Variants in RSRC1 observed in about 807,000 individuals in gnomAD.
RSRC1 encodes the protein arginine and serine rich coiled-coil 1, also known as serine/Arginine-related protein 53.
RSRC1 carries 39 observed loss-of-function variants against 49.1 expected under a neutral mutation model. That is an observed-to-expected ratio of 0.79 (90% CI 0.61 to 1.04). The LOEUF (loss-of-function observed/expected upper bound fraction) is 1.04. Ranked by LOEUF, RSRC1 falls within the 50% of genes least tolerant of loss-of-function variation. RSRC1 has a pLI of 0.00. For missense variants in RSRC1, 388 were observed against 402.4 expected (o/e 0.96, Z 0.31); for synonymous variants, 143 against 130.8 (o/e 1.09, Z -0.63).
At chr3:158,463,767 C>G (rs1737739164) in intron 7 of RSRC1, among the ~76,000 whole-genome samples, 2 of 152,222 alleles carry the variant, frequency 1.3e-5, no homozygotes, top group South Asian at 4.1e-4. Context: ...AAATAAAAGT[C>G]AGGCTGCACA....
At chr3:158,436,745 T>A (rs1339525789) in intron 6 of RSRC1, among the ~76,000 whole-genome samples, 1 of 151,906 alleles carries the variant, frequency 6.6e-6, no homozygotes, top group Non-Finnish European at 1.5e-5. Flanking sequence ...ATATAGATAA[T>A]ATTGTATATT....
chr3:158,299,219 A>G (rs942851971), intron 5 of RSRC1, among the ~76,000 whole-genome samples: 6 of 152,188 alleles, frequency 3.9e-5, no homozygotes, highest in African/African-American at 1.4e-4. Flanking sequence ...ATCAGAATAA[A>G]CATGTTAGTT....
chr3:158,423,018 C>T (rs1057136529), intron 6 of RSRC1, among the ~76,000 whole-genome samples: 9 of 152,230 alleles, frequency 5.9e-5, no homozygotes, highest in East Asian at 1.9e-4. Context: ...TTCTCCCATT[C>T]TGTAAGTTGC....
intron 4 of RSRC1, among the ~76,000 whole-genome samples, chr3:158,208,684 A>G (rs574578481): frequency 9.3e-4 from 142 of 152,256 alleles, no homozygotes; most frequent in Middle Eastern, 3.4e-3. Context: ...GATCATTACA[A>G]TTTTTATAAG....
At chr3:158,444,823 C>T (rs74620012) in intron 6 of RSRC1, among the ~76,000 whole-genome samples, 32,706 of 151,856 alleles carry the variant, frequency 0.22, 4,107 homozygotes, top group Non-Finnish European at 0.28. Flanking sequence ...AAAAAACAAC[C>T]CCATCAACAA....
chr3:158,406,302 A>G (rs539778720), intron 6 of RSRC1, among the ~76,000 whole-genome samples: 1 of 152,270 alleles, frequency 6.6e-6, no homozygotes, highest in East Asian at 1.9e-4. Flanking sequence ...GTATTTAAAT[A>G]AACTATCAAT....
intron 6 of RSRC1, among the ~76,000 whole-genome samples, chr3:158,405,874 G>T (rs1734138807): frequency 6.6e-6 from 1 of 151,920 alleles, no homozygotes; most frequent in South Asian, 2.1e-4. Flanking sequence ...GTTTCCCCTT[G>T]TACACTCTTA....
intron 2 of RSRC1, among the ~76,000 whole-genome samples, chr3:158,123,623 TCTG>T (rs1295004759): frequency 6.6e-6 from 1 of 152,176 alleles, no homozygotes; most frequent in Non-Finnish European, 1.5e-5. Flanking sequence ...TACCATATAA[TCTG>T]ATGATATTTG....
At chr3:158,439,088 G>A (rs564110203) in intron 6 of RSRC1, among the ~76,000 whole-genome samples, 195 of 152,212 alleles carry the variant, frequency 1.3e-3, no homozygotes, top group African/African-American at 4.3e-3. Context: ...GGCCATCAGA[G>A]AAATGCAAAT....
intron 3 of RSRC1, among the ~76,000 whole-genome samples, chr3:158,196,638 TG>T (rs1720638058): frequency 6.6e-6 from 1 of 152,206 alleles, no homozygotes; most frequent in Non-Finnish European, 1.5e-5. Context: ...GCTGTGGGTT[TG>T]TGATAGATAG....
intron 7 of RSRC1, among the ~76,000 whole-genome samples, chr3:158,508,524 T>G (rs1373475331): frequency 6.6e-6 from 1 of 152,034 alleles, no homozygotes; most frequent in Admixed American, 6.6e-5. Context: ...TAAATGCATA[T>G]GTAGTCGCCC....
chr3:158,318,984 C>T (rs146952515), intron 5 of RSRC1, among the ~76,000 whole-genome samples: 1 of 152,266 alleles, frequency 6.6e-6, no homozygotes, highest in Non-Finnish European at 1.5e-5. Context: ...GATATGTAGT[C>T]TAACCTTGGA....
chr3:158,244,726 T>C (rs1246560441), intron 4 of RSRC1, among the ~76,000 whole-genome samples: 6 of 152,160 alleles, frequency 3.9e-5, no homozygotes, highest in Non-Finnish European at 8.8e-5. Context: ...CTACCTGTGG[T>C]AGAATTCAGC....
In RSRC1 at chr3:158,460,992, G is replaced by T; in HGVS notation, c.641G>T (p.Arg214Ile). 2 of 1,600,536 alleles carry T rather than the reference G, an allele frequency of 1.2e-6. No individual in the cohort carries two copies. Among genetic ancestry groups the T allele is most frequent in the Non-Finnish European group, 8.5e-7 (1 of 1,171,520 alleles). ...KERNEEEAKRRKEEDQATLVE... is the reference protein window; with the variant it reads ...KERNEEEAKRIKEEDQATLVE... ...AGAAATGAGGAAGAAGCAAAGAGAA[G>T]AAAGGAGGAAGGTAAAGGCATGTGT... The change falls in exon 7 of 10, where the codon AGA becomes ATA. Residue 214 changes from arginine (R) to isoleucine (I), a missense_variant. Physicochemically the swap from Arg to Ile is moderately conservative, Grantham distance 97. Transcript: ENST00000611884.
chr3:158,462,555 T>A (rs1389586775), intron 7 of RSRC1, among the ~76,000 whole-genome samples: 1 of 151,870 alleles, frequency 6.6e-6, no homozygotes, highest in African/African-American at 2.4e-5. Flanking sequence ...GTGAGAGTAA[T>A]CACAGATATT....
At chr3:158,538,675 C>T (rs1207036157) in intron 8 of RSRC1, among the ~76,000 whole-genome samples, 1 of 151,886 alleles carries the variant, frequency 6.6e-6, no homozygotes, top group East Asian at 1.9e-4. Flanking sequence ...TCCCTTTAAA[C>T]TTATTTTCAA....
intron 5 of RSRC1, among the ~76,000 whole-genome samples, chr3:158,304,810 G>A (rs1727749909): frequency 6.6e-6 from 1 of 152,136 alleles, no homozygotes; most frequent in Non-Finnish European, 1.5e-5. Context: ...AGATGAAACA[G>A]CATGAAGTTT....
chr3:158,128,374 G>GT (rs1161827331), intron 3 of RSRC1, among the ~76,000 whole-genome samples: 1 of 152,044 alleles, frequency 6.6e-6, no homozygotes, highest in Non-Finnish European at 1.5e-5. Flanking sequence ...CTTCTTAACT[G>GT]TTTTTTGAAG....
intron 4 of RSRC1, among the ~76,000 whole-genome samples, chr3:158,260,426 T>C (rs1405388638): frequency 2.0e-5 from 3 of 152,100 alleles, no homozygotes; most frequent in Non-Finnish European, 2.9e-5. Context: ...GCCGAGTTGG[T>C]ATCCCAGTTG....
Sources: gnomAD v4.1 joint callset for allele counts (sites outside exome capture counted in the v4.1 genomes callset) on GRCh38, gnomAD v4.1.1 for gene constraint, MANE v1.5 for transcripts, NCBI Gene and HGNC (gene_info 2026-07-23, HGNC 2026-07-21) for gene names.